Variants in CDYL2 observed in about 807,000 individuals in gnomAD.
CDYL2 encodes the protein chromodomain Y like 2, also known as chromodomain Y-like protein 2.
In CDYL2, 23 loss-of-function variants were observed where a neutral mutation model predicts 49.4. The observed-to-expected ratio is 0.47, with a 90% CI of 0.34 to 0.66. The LOEUF (loss-of-function observed/expected upper bound fraction) is 0.66, where lower values mean the gene tolerates loss of function less well. CDYL2 is among the 30% of genes least tolerant of loss of function. The pLI, the probability that CDYL2 is intolerant of heterozygous loss-of-function variation, is 0.01. For missense variants in CDYL2, 678 were observed against 656.4 expected (o/e 1.03, Z -0.36); for synonymous variants, 360 against 268.8 (o/e 1.34, Z -3.32).
At chr16:80,663,617 A>G (rs767743142) in intron 2 of CDYL2, among the ~76,000 whole-genome samples, 9 of 151,894 alleles carry the variant, frequency 5.9e-5, no homozygotes, top group Admixed American at 5.2e-4. Flanking sequence ...TTTGAGACAG[A>G]GTTTCATTCT....
intron 2 of CDYL2, chr16:80,670,878 G>A (rs1909474217): frequency 1.3e-5 from 6 of 455,748 alleles, no homozygotes; most frequent in East Asian, 7.0e-5. Context: ...GCATAGTCAG[G>A]TTGCGCACGA....
chr16:80,676,844 T>C (rs1031799289), intron 2 of CDYL2, among the ~76,000 whole-genome samples: 1 of 152,236 alleles, frequency 6.6e-6, no homozygotes, highest in Admixed American at 6.5e-5. Flanking sequence ...TTATCTGCTC[T>C]AGAATGTGTG....
chr16:80,703,929 T>C (rs963901449), intron 1 of CDYL2, among the ~76,000 whole-genome samples: 2 of 152,052 alleles, frequency 1.3e-5, no homozygotes, highest in Non-Finnish European at 2.9e-5. Flanking sequence ...CTGCGCAGGG[T>C]GGGTGCGCCC....
intron 1 of CDYL2, among the ~76,000 whole-genome samples, chr16:80,728,765 C>A (rs1905241249): frequency 6.6e-6 from 1 of 152,140 alleles, no homozygotes; most frequent in South Asian, 2.1e-4. Context: ...GGCAGAAACT[C>A]TACAAGCCAG....
chr16:80,727,869 C>G (rs1482756705), intron 1 of CDYL2, among the ~76,000 whole-genome samples: 1 of 152,164 alleles, frequency 6.6e-6, no homozygotes, highest in Admixed American at 6.5e-5. Flanking sequence ...GGTACTCCAA[C>G]AGACTTGCAG....
Position 80,603,742 on chromosome 16 carries a change from A to G in CDYL2, c.*646T>C, listed in dbSNP as rs1405862226. ...TTTTGCAAAACTAGCTTTACATATA[A>G]TACACATAAATTATCAGAATTTCCA... is the stretch of plus-strand genomic sequence containing the variant. On this transcript the variant is annotated 3_prime_UTR_variant, in exon 7 of 7. Coordinates refer to ENST00000570137, the MANE Select transcript of CDYL2 (RefSeq NM_152342.4). 1 of 152,712 alleles carries G rather than the reference A, an allele frequency of 6.5e-6. No homozygotes were observed. The highest frequency in any genetic ancestry group is 1.5e-5 in the Non-Finnish European group (1 of 68,056). The allele number at this position is 152,712 out of a possible 1,614,324, so 9.5% of individuals were successfully genotyped here.
intron 4 of CDYL2, among the ~76,000 whole-genome samples, chr16:80,613,392 G>C (rs530047130): frequency 1.3e-5 from 2 of 152,122 alleles, no homozygotes; most frequent in African/African-American, 4.8e-5. Context: ...GGGACTTCAA[G>C]CTTCAGATGG....
intron 3 of CDYL2, among the ~76,000 whole-genome samples, chr16:80,630,840 G>C (rs1290699370): frequency 1.3e-5 from 2 of 152,038 alleles, no homozygotes; most frequent in Non-Finnish European, 2.9e-5. Context: ...AAATTCAAGA[G>C]CACAGCACCT....
intron 2 of CDYL2, among the ~76,000 whole-genome samples, chr16:80,637,268 A>C (rs1907877730): frequency 6.6e-6 from 1 of 152,220 alleles, no homozygotes; most frequent in African/African-American, 2.4e-5. Flanking sequence ...TCAATTTGGC[A>C]AAGAACATCT....
At chr16:80,717,080 G>A (rs1374907611) in intron 1 of CDYL2, among the ~76,000 whole-genome samples, 1 of 150,068 alleles carries the variant, frequency 6.7e-6, no homozygotes, top group African/African-American at 2.5e-5. Context: ...ATGGATAAAT[G>A]GATGGGTGAA....
At chr16:80,661,014 C>A (rs116531308) in intron 2 of CDYL2, among the ~76,000 whole-genome samples, 38 of 152,180 alleles carry the variant, frequency 2.5e-4, no homozygotes, top group African/African-American at 9.2e-4. Flanking sequence ...GGCCACAGAG[C>A]CTGAGACAGA....
chr16:80,698,991 T>C (rs1904287849), intron 1 of CDYL2, among the ~76,000 whole-genome samples: 1 of 152,116 alleles, frequency 6.6e-6, no homozygotes, highest in Non-Finnish European at 1.5e-5. Context: ...GAATGGCTAT[T>C]ATCAAAAAAA....
intron 1 of CDYL2, among the ~76,000 whole-genome samples, chr16:80,696,882 A>C (rs1208237862): frequency 6.6e-6 from 1 of 152,218 alleles, no homozygotes; most frequent in Non-Finnish European, 1.5e-5. Flanking sequence ...TTAGAGACCC[A>C]GCTCCTCTGG....
chr16:80,694,641 A>G (rs1453364484), intron 1 of CDYL2, among the ~76,000 whole-genome samples: 3 of 152,198 alleles, frequency 2.0e-5, no homozygotes, highest in African/African-American at 7.2e-5. Context: ...TACATGAGTT[A>G]GAGCACACAC....
rs1450924469 is a variant in CDYL2, at chr16:80,600,689, G to A, written c.*3699C>T. The A allele has an allele frequency of 6.6e-6, 1 of 151,996 alleles. No individual in the cohort carries two copies. The highest frequency in any genetic ancestry group is 1.5e-5 in the Non-Finnish European group (1 of 67,988). The allele number at this position is 151,996 out of a possible 1,614,324, so 9.4% of individuals were successfully genotyped here. ...ATTCTGCATTTTAAATATTCACTTA[G>A]GAAGATTTGAAGATGTTTCTATTTG... On this transcript the variant is annotated 3_prime_UTR_variant, in exon 7 of 7. Coordinates refer to ENST00000570137, the MANE Select transcript of CDYL2 (RefSeq NM_152342.4).
intron 1 of CDYL2, among the ~76,000 whole-genome samples, chr16:80,704,561 G>A (rs75385273): frequency 0.018 from 2,696 of 152,334 alleles, 25 homozygotes; most frequent in African/African-American, 0.025. Context: ...AAGGAAAGAC[G>A]TTCACCACCG....
At chr16:80,746,431 G>C (rs1905933486) in intron 1 of CDYL2, among the ~76,000 whole-genome samples, 1 of 152,194 alleles carries the variant, frequency 6.6e-6, no homozygotes, top group African/African-American at 2.4e-5. Context: ...GTGACCTCTT[G>C]TTCTCTTCTT....
At chr16:80,654,195 A>G (rs975258012) in intron 2 of CDYL2, among the ~76,000 whole-genome samples, 7 of 152,136 alleles carry the variant, frequency 4.6e-5, no homozygotes, top group Non-Finnish European at 5.9e-5. Flanking sequence ...TGGGTTGGGA[A>G]AAAGTCACTA....
At chr16:80,704,335 A>G (rs753020438) in intron 1 of CDYL2, among the ~76,000 whole-genome samples, 2 of 152,242 alleles carry the variant, frequency 1.3e-5, no homozygotes, top group Non-Finnish European at 2.9e-5. Flanking sequence ...TCTCAGAACC[A>G]ATACCAAAGA....
Sources: allele counts gnomAD v4.1 joint callset (sites outside exome capture counted in the v4.1 genomes callset), GRCh38; gene constraint gnomAD v4.1.1; transcripts MANE v1.5; gene names NCBI Gene and HGNC (gene_info 2026-07-23, HGNC 2026-07-21).